CTCF: variants seen among roughly 807,000 people sequenced by gnomAD.
CTCF encodes transcriptional repressor CTCF.
Under a neutral mutation model 72.3 loss-of-function variants are expected in CTCF, and 7 were observed. The ratio of observed to expected loss-of-function variants is 0.10; its 90% CI spans 0.06 to 0.18. The LOEUF (loss-of-function observed/expected upper bound fraction) is 0.18, where lower values mean the gene tolerates loss of function less well. CTCF is among the 10% of genes least tolerant of loss of function. The pLI is 1.00. For missense variants in CTCF, 516 were observed against 949.1 expected (o/e 0.54, Z 6.00); for synonymous variants, 374 against 315.8 (o/e 1.18, Z -1.95).
Position 67,584,337 on chromosome 16 carries a change from C to CTTTTT in CTCF, c.-10+13090_-10+13094dup, listed in dbSNP as rs904086024. Among the ~76,000 whole-genome samples, 347 of 105,830 alleles carry CTTTTT rather than the reference C, an allele frequency of 3.3e-3. 8 individuals are homozygous for CTTTTT. The highest frequency in any genetic ancestry group is 0.013 in the African/African-American group (315 of 23,516). The allele number at this position is 105,830 out of a possible 152,430, so 69.4% of individuals were successfully genotyped here. On this transcript the variant is annotated intron_variant, in intron 2 of 11. Coordinates refer to ENST00000264010, the MANE Select transcript of CTCF (RefSeq NM_006565.4). ...CTCCTTCTCAAAAAAAAAAAGTCTT[C>CTTTTT]TTTTTTTTTTTTTTTTTTTTTGAGA...
At chr16:67,573,440 T>G (rs553725799) in intron 2 of CTCF, among the ~76,000 whole-genome samples, 55 of 151,912 alleles carry the variant, frequency 3.6e-4, no homozygotes, top group Non-Finnish European at 4.1e-4. Flanking sequence ...AAAAAATAAA[T>G]AAATAAATAA....
intron 2 of CTCF, among the ~76,000 whole-genome samples, chr16:67,581,292 G>A (rs193064147): frequency 4.0e-5 from 6 of 151,248 alleles, no homozygotes; most frequent in Admixed American, 2.0e-4. Flanking sequence ...ACCTTGCTGC[G>A]TGTTGTGAAC....
chr16:67,577,531 G>T (rs7203356), intron 2 of CTCF, among the ~76,000 whole-genome samples: 5,556 of 150,742 alleles, frequency 0.037, 341 homozygotes, highest in African/African-American at 0.13. Context: ...TCCGCCTCCC[G>T]GGTTCATGTC....
chr16:67,612,128 G>A lies in CTCF; in HGVS notation c.952+7G>A. On this transcript the variant is annotated splice_region_variant and intron_variant, in intron 4 of 11. Coordinates refer to ENST00000264010, the MANE Select transcript of CTCF (RefSeq NM_006565.4). ...CACCTTAACACACACACAGGTGCTG[G>A]ATAAGAATGTTGGGGGCTACAACAG... 1 of 1,606,004 alleles carries A rather than the reference G, an allele frequency of 6.2e-7. No homozygotes were observed.
intron 5 of CTCF, among the ~76,000 whole-genome samples, chr16:67,619,236 G>T (rs1439792368): frequency 6.6e-6 from 1 of 152,266 alleles, no homozygotes; most frequent in African/African-American, 2.4e-5. Context: ...AAGAGTTTGA[G>T]ACCAGCCGGG....
At chr16:67,624,338 T>G (rs1455731085) in intron 7 of CTCF, among the ~76,000 whole-genome samples, 1 of 151,912 alleles carries the variant, frequency 6.6e-6, no homozygotes, top group Non-Finnish European at 1.5e-5. Context: ...GTATAATGAC[T>G]GTTGCTTAAG....
At position 67,637,989 on chromosome 16, in the gene CTCF, A is replaced by G. The variant is rs1363530302; in HGVS notation, c.*117A>G. ...TGGGAAAAGCATCATTTTACCAAAC[A>G]TACCGAGAACGAAAACTTCAAGGAT... On this transcript the variant is annotated 3_prime_UTR_variant, in exon 12 of 12. Coordinates refer to ENST00000264010, the MANE Select transcript of CTCF (RefSeq NM_006565.4). The G allele has an allele frequency of 2.1e-6, 2 of 950,860 alleles. No individual in the cohort carries two copies. Among genetic ancestry groups the G allele is most frequent in the South Asian group, 1.9e-5 (1 of 52,490 alleles). 58.9% of individuals were successfully genotyped at this position (950,860 alleles called of 1,614,324 possible). A position where few individuals can be genotyped will look rare whatever the true frequency, so the allele number is the denominator to read the frequency against.
At chr16:67,629,591 G>C in intron 10 of CTCF, 58 bp downstream of exon 10, 1 of 1,583,692 alleles carries the variant, frequency 6.3e-7, no homozygotes, top group Non-Finnish European at 8.6e-7. Context: ...CCAGTTTCCA[G>C]TGTGTTTATG....
intron 2 of CTCF, among the ~76,000 whole-genome samples, chr16:67,590,204 C>A (rs893739939): frequency 3.3e-5 from 5 of 150,338 alleles, no homozygotes; most frequent in Admixed American, 1.3e-4. Flanking sequence ...CTTTATTATT[C>A]TTTGTAGCAA....
In CTCF at chr16:67,631,173, T is replaced by G. The variant is rs540234270; in HGVS notation, c.1837+1640T>G. Among the ~76,000 whole-genome samples, 14 of 114,448 alleles carry G rather than the reference T, an allele frequency of 1.2e-4. 1 individual carries two copies. In the South Asian group the frequency reaches 3.0e-3, roughly 24 times the overall value. The allele number at this position is 114,448 out of a possible 152,430, so 75.1% of individuals were successfully genotyped here. On this transcript the variant is annotated intron_variant, in intron 10 of 11. Coordinates refer to ENST00000264010, the MANE Select transcript of CTCF (RefSeq NM_006565.4). ...TTGTTTGTTTTTTTTTTGTTTTTTG[T>G]TTTTTTTTTGAGACAGTGTCTCCCT...
intron 1 of CTCF, among the ~76,000 whole-genome samples, chr16:67,565,191 G>A (rs987349893): frequency 2.0e-5 from 3 of 151,834 alleles, no homozygotes; most frequent in Admixed American, 1.3e-4. Context: ...TAGTAGAGAC[G>A]GGTTTTCACG....
chr16:67,588,785 C>T (rs2051701125), intron 2 of CTCF, among the ~76,000 whole-genome samples: 1 of 152,142 alleles, frequency 6.6e-6, no homozygotes, highest in African/African-American at 2.4e-5. Context: ...CTCCTGGGTT[C>T]AAGCGATTCT....
intron 2 of CTCF, among the ~76,000 whole-genome samples, chr16:67,574,946 T>C (rs1330731195): frequency 1.3e-4 from 20 of 148,506 alleles, no homozygotes; most frequent in East Asian, 6.1e-4. Context: ...CGTGAGCCAC[T>C]GCGCCCAGCC....
At chr16:67,630,981 G>A (rs1349447391) in intron 10 of CTCF, among the ~76,000 whole-genome samples, 1 of 152,134 alleles carries the variant, frequency 6.6e-6, no homozygotes, top group Non-Finnish European at 1.5e-5. Flanking sequence ...GGACTTCCCA[G>A]AAGCACCATT....
chr16:67,585,823 A>T (rs1355128989), intron 2 of CTCF, among the ~76,000 whole-genome samples: 1 of 152,040 alleles, frequency 6.6e-6, no homozygotes, highest in Non-Finnish European at 1.5e-5. Context: ...CTATTTAAAA[A>T]TTTTTAAGGT....
At chr16:67,586,908 C>T (rs1367827928) in intron 2 of CTCF, among the ~76,000 whole-genome samples, 1 of 151,984 alleles carries the variant, frequency 6.6e-6, no homozygotes, top group Non-Finnish European at 1.5e-5. Context: ...ATCCTCCCGC[C>T]TCAGCCTCCT....
intron 4 of CTCF, chr16:67,616,414 A>C (rs1291372420): frequency 4.7e-6 from 1 of 211,474 alleles, no homozygotes; most frequent in Non-Finnish European, 9.7e-6. Flanking sequence ...ATGAGCCACC[A>C]AGCCCGGTCT....
At chr16:67,609,387 T>TC (rs1338064224) in intron 2 of CTCF, among the ~76,000 whole-genome samples, 1 of 152,182 alleles carries the variant, frequency 6.6e-6, no homozygotes, top group Admixed American at 6.6e-5. Flanking sequence ...ACCAGTGTCT[T>TC]CCCCACTACA....
intron 2 of CTCF, among the ~76,000 whole-genome samples, chr16:67,597,073 G>A (rs900256122): frequency 6.6e-5 from 10 of 151,568 alleles, no homozygotes; most frequent in South Asian, 2.1e-4. Flanking sequence ...TCACTCTGCC[G>A]CCCAGGCTGG....
Sources: allele counts gnomAD v4.1 joint callset (sites outside exome capture counted in the v4.1 genomes callset), GRCh38; gene constraint gnomAD v4.1.1; transcripts MANE v1.5; gene names NCBI Gene and HGNC (gene_info 2026-07-23, HGNC 2026-07-21).